Variants in TRDMT1 observed in about 807,000 individuals in gnomAD.
The protein encoded by TRDMT1 is tRNA aspartic acid methyltransferase 1, also known as tRNA (cytosine(38)-C(5))-methyltransferase.
A neutral mutation model predicts 51.2 loss-of-function variants in TRDMT1; 49 were observed. The ratio of observed to expected loss-of-function variants is 0.96; its 90% CI spans 0.76 to 1.21. The LOEUF (loss-of-function observed/expected upper bound fraction) is 1.21, where lower values mean the gene tolerates loss of function less well. TRDMT1 is among the 50% of genes most tolerant of loss of function. The probability of loss-of-function intolerance (pLI) is 0.00; values close to 1 mark genes in which losing one functional copy is unlikely to be tolerated. For synonymous variants in TRDMT1, 187 were observed against 164.6 expected (o/e 1.14, Z -1.04); for missense variants, 534 against 462.3 (o/e 1.16, Z -1.42).
intron 1 of TRDMT1, among the ~76,000 whole-genome samples, chr10:17,200,955 G>A (rs1846073736): frequency 6.6e-6 from 1 of 152,106 alleles, no homozygotes; most frequent in Non-Finnish European, 1.5e-5. Context: ...TCACGAAGTA[G>A]CCCAACGTCA....
At chr10:17,160,419 G>A in intron 5 of TRDMT1, 45 bp from the exon 6 acceptor site, 2 of 1,303,880 alleles carry the variant, frequency 1.5e-6, no homozygotes, top group Non-Finnish European at 2.1e-6. Flanking sequence ...TGGAAAGGCA[G>A]TTCTTATTTA....
At chr10:17,151,041 C>A (rs906998855) in intron 10 of TRDMT1, 2 of 961,788 alleles carry the variant, frequency 2.1e-6, no homozygotes, top group East Asian at 1.2e-4. Flanking sequence ...GTGCATATTT[C>A]TTTAAATCTA....
chr10:17,143,306 C>T lies in TRDMT1; in HGVS notation c.*5734G>A. ...AGTCACTGGGGGGACAACGTATTAA[C>T]AATCTCTGCCCTTGTGGAAGTTTAC... On this transcript the variant is annotated 3_prime_UTR_variant, in exon 11 of 11. Coordinates refer to ENST00000377799, the MANE Select transcript of TRDMT1 (RefSeq NM_004412.7). The T allele has an allele frequency of 1.0e-6, 1 of 985,198 alleles. No individual in the cohort carries two copies. Among genetic ancestry groups the T allele is most frequent in the Non-Finnish European group, 1.2e-6 (1 of 829,708 alleles). 61.0% of individuals were successfully genotyped at this position (985,198 alleles called of 1,614,324 possible). A position where few individuals can be genotyped will look rare whatever the true frequency, so the allele number is the denominator to read the frequency against.
In TRDMT1 at chr10:17,174,675, G is replaced by A; in HGVS notation, c.65-15C>T. 6.3e-7 allele frequency: 1 copy of A among 1,577,210 alleles called. No homozygotes were observed. The highest frequency in any genetic ancestry group is 8.7e-7 in the Non-Finnish European group (1 of 1,148,848). Reference sequence around the variant, plus strand: ...TATACAGCTTTCTGTAATGATAAATGGAGTATCTTGAAAAGAAAAGTCCTT... The same window carrying A: ...TATACAGCTTTCTGTAATGATAAATAGAGTATCTTGAAAAGAAAAGTCCTT... On this transcript the variant is annotated splice_polypyrimidine_tract_variant and intron_variant, in intron 1 of 10. Coordinates refer to ENST00000377799, the MANE Select transcript of TRDMT1 (RefSeq NM_004412.7).
rs1413153442 is a variant in TRDMT1, at chr10:17,138,651, A to G, written c.*10389T>C. ...ACTACAATTATCTTTGAGTAGAATGAAAAAGAATTATGAGTTAATCATTAA... is the reference window on the plus strand; with the variant it reads ...ACTACAATTATCTTTGAGTAGAATGGAAAAGAATTATGAGTTAATCATTAA... On this transcript the variant is annotated 3_prime_UTR_variant, in exon 11 of 11. Coordinates refer to ENST00000377799, the MANE Select transcript of TRDMT1 (RefSeq NM_004412.7). 6.7e-6 allele frequency among the ~76,000 whole-genome samples: 1 copy of G among 150,178 alleles called. No homozygotes were observed.
intron 10 of TRDMT1, among the ~76,000 whole-genome samples, chr10:17,152,354 G>C (rs1838859662): frequency 6.6e-6 from 1 of 152,144 alleles, no homozygotes; most frequent in Non-Finnish European, 1.5e-5. Context: ...CAATTACCAA[G>C]AGAGTAGTCA....
rs569340899 is a variant in TRDMT1, at chr10:17,138,448, A to G, written c.*10592T>C. ...TTTCCATGAAGGATTACATAAAATA[A>G]TGATGGAAATCAAGGTACATTTAAA... On this transcript the variant is annotated 3_prime_UTR_variant, in exon 11 of 11. Coordinates refer to ENST00000377799, the MANE Select transcript of TRDMT1 (RefSeq NM_004412.7). Among the ~76,000 whole-genome samples the G allele has an allele frequency of 6.6e-5, 10 of 152,364 alleles. No individual in the cohort carries two copies. The South Asian group carries it at 2.1e-3, about 32-fold the overall frequency.
chr10:17,150,918 T>C (rs1472751553), intron 10 of TRDMT1: 15 of 985,228 alleles, frequency 1.5e-5, no homozygotes, highest in African/African-American at 1.7e-5. Context: ...AGAGATGATC[T>C]TTTGCAATAT....
intron 3 of TRDMT1, among the ~76,000 whole-genome samples, chr10:17,164,393 C>G (rs942467132): frequency 1.1e-4 from 17 of 152,280 alleles, no homozygotes; most frequent in African/African-American, 3.9e-4. Flanking sequence ...CTATCTATGA[C>G]AAACCCACAG....
At chr10:17,154,611 C>T in intron 9 of TRDMT1, 66 bp downstream of exon 9, 1 of 1,287,660 alleles carries the variant, frequency 7.8e-7, no homozygotes, top group Non-Finnish European at 1.1e-6. Flanking sequence ...TTCTAATGTT[C>T]TCAAAGTATT....
At chr10:17,163,330 G>C (rs568955078) in intron 3 of TRDMT1, among the ~76,000 whole-genome samples, 20 of 152,222 alleles carry the variant, frequency 1.3e-4, no homozygotes, top group Admixed American at 5.2e-4. Flanking sequence ...GACTTGAATT[G>C]AGCCTGAGCA....
chr10:17,157,886 T>A, intron 7 of TRDMT1, 102 bp from the exon 8 acceptor site: 1 of 843,294 alleles, frequency 1.2e-6, no homozygotes, highest in Non-Finnish European at 1.8e-6. Context: ...CATTAGCCTT[T>A]ATGGGGTTGC....
At position 17,154,703 on chromosome 10, in the gene TRDMT1, C is replaced by T; in HGVS notation, c.919G>A (p.Val307Met). ...TGCACATCCTCTGCAGTCTGTAACA[C>T]AGACCCTGTCCCTTCTATGTAGCTT... ...YGSYIEGTGS[V>M]LQTAEDVQVE... Residue 307 changes from valine to methionine, a missense_variant, in exon 9 of 11, where the codon GTG (valine) becomes ATG (methionine). Coordinates refer to ENST00000377799, the MANE Select transcript of TRDMT1 (RefSeq NM_004412.7). 1 of 1,605,870 alleles carries T rather than the reference C, an allele frequency of 6.2e-7. No individual in the cohort carries two copies. The highest frequency in any genetic ancestry group is 8.5e-7 in the Non-Finnish European group (1 of 1,176,448).
chr10:17,188,189 G>C (rs912625024), intron 1 of TRDMT1, among the ~76,000 whole-genome samples: 3 of 151,980 alleles, frequency 2.0e-5, no homozygotes, highest in African/African-American at 7.3e-5. Flanking sequence ...TGGCTAGCTT[G>C]TATTCAATAA....
chr10:17,150,753 T>C (rs1838588632), intron 10 of TRDMT1: 2 of 984,996 alleles, frequency 2.0e-6, no homozygotes, highest in Admixed American at 6.2e-5. Flanking sequence ...TTAACTGCAA[T>C]AAAATAACAG....
intron 2 of TRDMT1, among the ~76,000 whole-genome samples, chr10:17,171,084 C>T (rs984936507): frequency 4.0e-5 from 6 of 150,078 alleles, no homozygotes; most frequent in South Asian, 2.1e-4. Context: ...TTTAAAGTTT[C>T]ACCATTTGGT....
intron 2 of TRDMT1, chr10:17,169,496 C>G (rs1180769218): frequency 7.8e-7 from 1 of 1,289,618 alleles, no homozygotes; most frequent in Non-Finnish European, 1.0e-6. Flanking sequence ...AAAAGAATTC[C>G]TAATGGGCTA....
Position 17,147,220 on chromosome 10 carries a change from T to C in TRDMT1, c.*1820A>G. 1.0e-6 allele frequency: 1 copy of C among 985,832 alleles called. No individual in the cohort carries two copies. The highest frequency in any genetic ancestry group is 1.2e-6 in the Non-Finnish European group (1 of 829,918). The allele number at this position is 985,832 out of a possible 1,614,324, so 61.1% of individuals were successfully genotyped here. On this transcript the variant is annotated 3_prime_UTR_variant, in exon 11 of 11. Transcript: ENST00000377799. ...CTACATGAAAGTGTGCCAAAATAAT[T>C]TGTGATTGTTTACTGAAATTTATGA...
chr10:17,159,317 A>T, intron 6 of TRDMT1, 88 bp from the exon 7 acceptor site: 4 of 884,074 alleles, frequency 4.5e-6, no homozygotes, highest in Non-Finnish European at 6.9e-6. Flanking sequence ...CAACAACAAA[A>T]AACTCAAACG....
Sources: gnomAD v4.1 joint callset for allele counts (sites outside exome capture counted in the v4.1 genomes callset) on GRCh38, gnomAD v4.1.1 for gene constraint, MANE v1.5 for transcripts, NCBI Gene and HGNC (gene_info 2026-07-23, HGNC 2026-07-21) for gene names.